Variants in ARHGEF26 observed in about 807,000 individuals in gnomAD.
The protein encoded by ARHGEF26 is Rho guanine nucleotide exchange factor 26, also known as Rho guanine nucleotide exchange factor (GEF) 26.
A neutral mutation model predicts 89.4 loss-of-function variants in ARHGEF26; 59 were observed. The observed-to-expected ratio is 0.66, with a 90% CI of 0.54 to 0.82. The LOEUF is 0.82. ARHGEF26 is among the 40% of genes least tolerant of loss of function. The probability of loss-of-function intolerance (pLI) is 0.00; values close to 1 mark genes in which losing one functional copy is unlikely to be tolerated. For synonymous variants in ARHGEF26, 500 were observed against 428.4 expected (o/e 1.17, Z -2.06); for missense variants, 1,234 against 1,085.6 (o/e 1.14, Z -1.92).
At chr3:154,133,041 T>C (rs918934574) in intron 4 of ARHGEF26, among the ~76,000 whole-genome samples, 1 of 152,036 alleles carries the variant, frequency 6.6e-6, no homozygotes, top group Non-Finnish European at 1.5e-5. Flanking sequence ...TTCTAAAAAA[T>C]CTTTTTATTG....
intron 12 of ARHGEF26, 66 bp downstream of exon 12, chr3:154,240,645 T>C: frequency 7.0e-7 from 1 of 1,426,232 alleles, no homozygotes; most frequent in Non-Finnish European, 9.4e-7. Context: ...TTTCTTTGGT[T>C]TACAGACTTC....
Position 154,256,150 on chromosome 3 carries a change from ATAGAC to A in ARHGEF26, c.*680_*684del, listed in dbSNP as rs1718491632. ...CACCCCATATTGTTCTTAAATAAGT[ATAGAC>A]TAATTAACCTAAGCTACCTTTAACA... On this transcript the variant is annotated 3_prime_UTR_variant, in exon 15 of 15. Transcript: ENST00000465093. The A allele has an allele frequency of 1.0e-6, 1 of 984,824 alleles. No homozygotes were observed. The allele number at this position is 984,824 out of a possible 1,614,324, so 61.0% of individuals were successfully genotyped here. A position where few individuals can be genotyped will look rare whatever the true frequency, so the allele number is the denominator to read the frequency against.
chr3:154,188,816 CTTCATGACATT>C (rs140811330), intron 7 of ARHGEF26, among the ~76,000 whole-genome samples: 26,052 of 152,066 alleles, frequency 0.17, 2,762 homozygotes, highest in East Asian at 0.4. Flanking sequence ...TCCTCCACAT[CTTCATGACATT>C]TTCATATAGC....
chr3:154,242,743 C>T (rs911194782), intron 12 of ARHGEF26, among the ~76,000 whole-genome samples: 2 of 152,034 alleles, frequency 1.3e-5, no homozygotes, highest in African/African-American at 4.8e-5. Flanking sequence ...ATTGATGCAG[C>T]AAACTTCACT....
At chr3:154,150,882 G>T (rs1719980180) in intron 5 of ARHGEF26, among the ~76,000 whole-genome samples, 1 of 151,970 alleles carries the variant, frequency 6.6e-6, no homozygotes, top group Non-Finnish European at 1.5e-5. Context: ...AACCTAATTT[G>T]CTTTTAAATA....
At chr3:154,237,140 T>C (rs1271645045) in intron 11 of ARHGEF26, among the ~76,000 whole-genome samples, 1 of 152,200 alleles carries the variant, frequency 6.6e-6, no homozygotes, top group African/African-American at 2.4e-5. Context: ...TGGGTCTTAA[T>C]CAGTGGCATT....
intron 6 of ARHGEF26, among the ~76,000 whole-genome samples, chr3:154,168,531 C>G (rs890404961): frequency 7.9e-5 from 12 of 152,080 alleles, no homozygotes; most frequent in Admixed American, 7.9e-4. Flanking sequence ...GAACCGAGAT[C>G]ACTCCACTGC....
intron 4 of ARHGEF26, among the ~76,000 whole-genome samples, chr3:154,149,087 C>T (rs993462815): frequency 6.6e-6 from 1 of 152,126 alleles, no homozygotes; most frequent in Non-Finnish European, 1.5e-5. Context: ...GCTCTTGGAT[C>T]CTAAGCCTCA....
intron 9 of ARHGEF26, among the ~76,000 whole-genome samples, chr3:154,213,970 T>G (rs1026193785): frequency 6.6e-6 from 1 of 152,160 alleles, no homozygotes; most frequent in African/African-American, 2.4e-5. Flanking sequence ...GGAGAGGTAG[T>G]GCCCACATTG....
chr3:154,132,186 T>G (rs1718717713), intron 4 of ARHGEF26, among the ~76,000 whole-genome samples: 1 of 152,072 alleles, frequency 6.6e-6, no homozygotes, highest in Non-Finnish European at 1.5e-5. Flanking sequence ...TTTACTTTAA[T>G]TTTTTTTGTT....
At chr3:154,220,831 T>A (rs1318634234) in intron 10 of ARHGEF26, among the ~76,000 whole-genome samples, 2 of 152,088 alleles carry the variant, frequency 1.3e-5, no homozygotes, top group Non-Finnish European at 2.9e-5. Context: ...TATAAATTTT[T>A]AAAAAATTTC....
At chr3:154,162,526 A>G (rs977145531) in intron 6 of ARHGEF26, among the ~76,000 whole-genome samples, 3 of 152,108 alleles carry the variant, frequency 2.0e-5, no homozygotes, top group Non-Finnish European at 4.4e-5. Flanking sequence ...TTTTGCTATA[A>G]TGTTGATGAG....
In ARHGEF26 at chr3:154,122,883, G is replaced by C. The variant is rs1169343122; in HGVS notation, c.891G>C (p.Glu297Asp). ...TGGGTCACGCAGGGGAGGAGAGTGA[G>C]GTCGATAACGACGTGGATAGCCCAG... The part of the protein sequence containing the change: ...GPLGHAGEES[E>D]VDNDVDSPGS... The change falls in exon 2 of 15, where the codon GAG becomes GAC. Residue 297 changes from glutamate (E) to aspartate (D), a missense_variant. Physicochemically the swap from Glu to Asp is conservative, Grantham distance 45 (BLOSUM62 2). Transcript: ENST00000465093. The C allele has an allele frequency of 6.2e-7, 1 of 1,612,888 alleles. No individual in the cohort carries two copies. Among genetic ancestry groups the C allele is most frequent in the Non-Finnish European group, 8.5e-7 (1 of 1,179,466 alleles).
intron 3 of ARHGEF26, among the ~76,000 whole-genome samples, chr3:154,127,804 AT>A (rs538142120): frequency 1.9e-3 from 290 of 152,270 alleles, no homozygotes; most frequent in Middle Eastern, 0.01. Context: ...CATGTGAGTA[AT>A]GTGGTACACT....
rs111860465 is a variant in ARHGEF26, at chr3:154,190,508, AAAAC to A, written c.1641-760_1641-757del. On this transcript the variant is annotated intron_variant, in intron 7 of 14. Transcript: ENST00000465093. ...AGGTGATAGAGCAAGACTCCATCTC[AAAAC>A]AAACAAACAAACAAACAAACCTGGG... Among the ~76,000 whole-genome samples, 71 of 152,198 alleles carry A rather than the reference AAAAC, an allele frequency of 4.7e-4. No homozygotes were observed. The East Asian group carries it at 6.6e-3, about 14-fold the overall frequency.
intron 9 of ARHGEF26, among the ~76,000 whole-genome samples, chr3:154,197,372 T>A (rs955630967): frequency 3.3e-5 from 5 of 152,176 alleles, no homozygotes; most frequent in Admixed American, 1.3e-4. Context: ...AGAAAGAGTA[T>A]GCATAGAGAG....
At chr3:154,239,264 GA>G (rs1411535719) in intron 11 of ARHGEF26, among the ~76,000 whole-genome samples, 74 of 106,504 alleles carry the variant, frequency 6.9e-4, no homozygotes, top group African/African-American at 2.5e-3. Flanking sequence ...GAGAGAGGGA[GA>G]GAGAGAGAGA....
intron 1 of ARHGEF26, 46 bp downstream of exon 1, chr3:154,121,565 T>G: frequency 2.3e-5 from 4 of 172,866 alleles, no homozygotes; most frequent in Non-Finnish European, 2.5e-5. Flanking sequence ...AGGGTACCCA[T>G]GATGAGGGCG....
At chr3:154,245,121 G>A (rs930694557) in intron 12 of ARHGEF26, among the ~76,000 whole-genome samples, 11 of 152,172 alleles carry the variant, frequency 7.2e-5, no homozygotes, top group African/African-American at 2.7e-4. Flanking sequence ...TCCCCTTCAC[G>A]GGTTCAAGTG....
Sources: gnomAD v4.1 joint callset for allele counts (sites outside exome capture counted in the v4.1 genomes callset) on GRCh38, gnomAD v4.1.1 for gene constraint, MANE v1.5 for transcripts, NCBI Gene and HGNC (gene_info 2026-07-23, HGNC 2026-07-21) for gene names.